The following CAMK4 variants were observed in gnomAD, a reference collection of about 807,000 sequenced individuals.
CAMK4 encodes the protein calcium/calmodulin-dependent protein kinase type IV.
CAMK4 carries 22 observed loss-of-function variants against 44.9 expected under a neutral mutation model. The ratio of observed to expected loss-of-function variants is 0.49; its 90% CI spans 0.35 to 0.70. The LOEUF (loss-of-function observed/expected upper bound fraction) is 0.70. Ranked by LOEUF, CAMK4 falls within the 30% of genes least tolerant of loss-of-function variation. CAMK4 has a pLI of 0.01. For missense variants in CAMK4, 498 were observed against 586.8 expected (o/e 0.85, Z 1.56); for synonymous variants, 218 against 215.4 (o/e 1.01, Z -0.11).
chr5:111,471,069 T>G (rs31615), intron 7 of CAMK4, among the ~76,000 whole-genome samples: 1 of 152,040 alleles, frequency 6.6e-6, no homozygotes, highest in African/African-American at 2.4e-5. Flanking sequence ...AGAATTATAC[T>G]GTTGAAGCCA....
chr5:111,280,384 C>T (rs956677008), intron 1 of CAMK4, among the ~76,000 whole-genome samples: 6 of 152,168 alleles, frequency 3.9e-5, no homozygotes, highest in South Asian at 4.1e-4. Flanking sequence ...AATTTTTTTA[C>T]ATTATTTTTT....
chr5:111,437,023 G>A (rs1035675435), intron 5 of CAMK4, among the ~76,000 whole-genome samples: 6 of 152,158 alleles, frequency 3.9e-5, no homozygotes, highest in Non-Finnish European at 4.4e-5. Flanking sequence ...TTCTGATCTC[G>A]CAGTTAAAAT....
chr5:111,321,978 A>G (rs1748682301), intron 1 of CAMK4, among the ~76,000 whole-genome samples: 1 of 152,134 alleles, frequency 6.6e-6, no homozygotes, highest in African/African-American at 2.4e-5. Flanking sequence ...ATCAAATTCA[A>G]TAAGGTGATA....
intron 1 of CAMK4, among the ~76,000 whole-genome samples, chr5:111,238,483 A>G (rs145818403): frequency 6.6e-6 from 1 of 152,046 alleles, no homozygotes; most frequent in Non-Finnish European, 1.5e-5. Flanking sequence ...GAGAGTTCTC[A>G]TCAGAACCCG....
intron 2 of CAMK4, among the ~76,000 whole-genome samples, chr5:111,349,739 T>C (rs1750015339): frequency 1.3e-5 from 2 of 151,958 alleles, no homozygotes; most frequent in Admixed American, 1.3e-4. Context: ...CTAAATGACA[T>C]GTCAGACTAT....
At chr5:111,238,764 C>T (rs1457673803) in intron 1 of CAMK4, among the ~76,000 whole-genome samples, 2 of 129,886 alleles carry the variant, frequency 1.5e-5, no homozygotes, top group Non-Finnish European at 3.2e-5. Flanking sequence ...AAGCTCCTTA[C>T]TTGTTTTATC....
intron 5 of CAMK4, among the ~76,000 whole-genome samples, chr5:111,396,588 A>T (rs969643640): frequency 2.0e-5 from 3 of 150,998 alleles, no homozygotes; most frequent in African/African-American, 7.3e-5. Context: ...GGCATGCTTT[A>T]AAAAAGAAAG....
At chr5:111,414,882 A>G (rs1211260980) in intron 5 of CAMK4, among the ~76,000 whole-genome samples, 1 of 152,192 alleles carries the variant, frequency 6.6e-6, no homozygotes, top group Admixed American at 6.5e-5. Flanking sequence ...CATATGTACC[A>G]TATCCCCTAG....
At chr5:111,425,926 G>C (rs1243180352) in intron 5 of CAMK4, among the ~76,000 whole-genome samples, 1 of 152,064 alleles carries the variant, frequency 6.6e-6, no homozygotes, top group Non-Finnish European at 1.5e-5. Context: ...CATTTAACCT[G>C]AATTGGCAAT....
At chr5:111,256,521 T>C (rs1455416371) in intron 1 of CAMK4, among the ~76,000 whole-genome samples, 1 of 152,240 alleles carries the variant, frequency 6.6e-6, no homozygotes, top group Non-Finnish European at 1.5e-5. Context: ...GACTTCTTTA[T>C]ACTAGTTTTG....
chr5:111,251,798 C>A (rs1417983704), intron 1 of CAMK4, among the ~76,000 whole-genome samples: 2 of 152,114 alleles, frequency 1.3e-5, no homozygotes, highest in African/African-American at 4.8e-5. Flanking sequence ...TGAAGGTTTC[C>A]TGGTACACAA....
intron 4 of CAMK4, among the ~76,000 whole-genome samples, chr5:111,380,552 C>G (rs558299442): frequency 5.3e-5 from 8 of 152,102 alleles, no homozygotes; most frequent in Admixed American, 4.6e-4. Flanking sequence ...GTGTGTTTTT[C>G]CCCACTATGT....
chr5:111,474,965 C>T (rs149403404), intron 8 of CAMK4, among the ~76,000 whole-genome samples: 89 of 152,266 alleles, frequency 5.8e-4, no homozygotes, highest in African/African-American at 2.0e-3. Flanking sequence ...AGATCGAGAC[C>T]ATCCTGGCTA....
intron 1 of CAMK4, among the ~76,000 whole-genome samples, chr5:111,285,869 T>C (rs1422694782): frequency 6.6e-6 from 1 of 152,216 alleles, no homozygotes; most frequent in African/African-American, 2.4e-5. Context: ...ATTTACGTGT[T>C]GTCATCCATT....
chr5:111,257,230 G>A (rs933690702), intron 1 of CAMK4, among the ~76,000 whole-genome samples: 1 of 152,098 alleles, frequency 6.6e-6, no homozygotes, highest in Non-Finnish European at 1.5e-5. Context: ...CAGAATGGAA[G>A]AAAATTTTTA....
chr5:111,395,018 T>G (rs969980900), intron 5 of CAMK4, among the ~76,000 whole-genome samples: 1 of 151,768 alleles, frequency 6.6e-6, no homozygotes, highest in Non-Finnish European at 1.5e-5. Context: ...AGACCAGCCT[T>G]GCCAACATGG....
chr5:111,428,347 A>G (rs1753306690), intron 5 of CAMK4, among the ~76,000 whole-genome samples: 1 of 152,180 alleles, frequency 6.6e-6, no homozygotes, highest in South Asian at 2.1e-4. Flanking sequence ...TGCTAGCATC[A>G]GCACTCTCCA....
At chr5:111,294,706 A>G (rs540943789) in intron 1 of CAMK4, among the ~76,000 whole-genome samples, 60 of 151,994 alleles carry the variant, frequency 3.9e-4, no homozygotes, top group Middle Eastern at 3.4e-3. Context: ...TCCAGTGGGA[A>G]CTCAGAAGCA....
At chr5:111,419,866 A>G (rs1752959624) in intron 5 of CAMK4, among the ~76,000 whole-genome samples, 1 of 152,150 alleles carries the variant, frequency 6.6e-6, no homozygotes, top group African/African-American at 2.4e-5. Flanking sequence ...ATAGTTTGAA[A>G]TCGGGTAGCG....
Sources: allele counts gnomAD v4.1 joint callset (sites outside exome capture counted in the v4.1 genomes callset), GRCh38; gene constraint gnomAD v4.1.1; transcripts MANE v1.5; gene names NCBI Gene and HGNC (gene_info 2026-07-23, HGNC 2026-07-21).